The following RAP1GAP2 variants were observed in gnomAD, a reference collection of about 807,000 sequenced individuals.
RAP1GAP2 encodes RAP1 GTPase activating protein 2.
A neutral mutation model predicts 95.0 loss-of-function variants in RAP1GAP2; 27 were observed. The ratio of observed to expected loss-of-function variants is 0.28; its 90% CI spans 0.21 to 0.39. RAP1GAP2 has a LOEUF of 0.39. Among genes scored for constraint, RAP1GAP2 ranks in the 10% least tolerant of loss-of-function variants. The pLI is 1.00. For missense variants in RAP1GAP2, 771 were observed against 970.0 expected (o/e 0.79, Z 2.72); for synonymous variants, 373 against 380.9 (o/e 0.98, Z 0.24).
chr17:2,923,165 G>A (rs1438677965), intron 3 of RAP1GAP2, among the ~76,000 whole-genome samples: 1 of 150,390 alleles, frequency 6.6e-6, no homozygotes, highest in African/African-American at 2.5e-5. Flanking sequence ...TCAGCCTCCC[G>A]AGCAGCTGGG....
intron 2 of RAP1GAP2, among the ~76,000 whole-genome samples, chr17:2,899,308 G>A (rs942891473): frequency 3.3e-5 from 5 of 152,090 alleles, no homozygotes; most frequent in Non-Finnish European, 5.9e-5. Flanking sequence ...GGGAGCTTCC[G>A]CTATTCTCCT....
Position 2,963,736 on chromosome 17 carries a change from C to A in RAP1GAP2, c.280-120C>A, listed in dbSNP as rs1330645456. ...GAGGGGTTCATGTCACTGCCTTTGGCCTCAAGTACCAGTGGGTACCAGGCC... is the reference window on the plus strand; with the variant it reads ...GAGGGGTTCATGTCACTGCCTTTGGACTCAAGTACCAGTGGGTACCAGGCC... On this transcript the variant is annotated intron_variant, in intron 6 of 24. Coordinates refer to ENST00000254695, the MANE Select transcript of RAP1GAP2 (RefSeq NM_015085.5). This position sits in a 1 kb window ranked among gnomAD's most constrained non-coding sequence, Gnocchi z 4.8. 10 of 947,890 alleles carry A rather than the reference C, an allele frequency of 1.1e-5. No homozygotes were observed. In the Admixed American group the frequency reaches 2.5e-4, roughly 24 times the overall value. 58.7% of individuals were successfully genotyped at this position (947,890 alleles called of 1,614,324 possible). A position where few individuals can be genotyped will look rare whatever the true frequency, so the allele number is the denominator to read the frequency against.
chr17:2,827,288 C>G lies in RAP1GAP2; in HGVS notation c.80+26738C>G, dbSNP rs919462402. 2.6e-5 allele frequency among the ~76,000 whole-genome samples: 4 copies of G among 152,110 alleles called. No homozygotes were observed. The South Asian group carries it at 8.3e-4, about 31-fold the overall frequency. Reference sequence around the variant, plus strand: ...CATCCAACAGCTCTCATTCCCAAAGCGTGTTCTGAGTGTGAGTCCTACAAA... The same window carrying G: ...CATCCAACAGCTCTCATTCCCAAAGGGTGTTCTGAGTGTGAGTCCTACAAA... On this transcript the variant is annotated intron_variant, in intron 2 of 24. Coordinates refer to ENST00000254695, the MANE Select transcript of RAP1GAP2 (RefSeq NM_015085.5). This position sits in a 1 kb window ranked among gnomAD's most constrained non-coding sequence, Gnocchi z 4.1.
At chr17:2,995,223 C>G in intron 12 of RAP1GAP2, 114 bp from the exon 13 acceptor site, 3 of 1,336,780 alleles carry the variant, frequency 2.2e-6, no homozygotes, top group Non-Finnish European at 3.1e-6. Flanking sequence ...CCTCAGCTCT[C>G]CTGTCTCCTC....
Position 2,809,307 on chromosome 17 carries a change from C to T in RAP1GAP2, c.80+8757C>T, listed in dbSNP as rs548602166. 2.6e-5 allele frequency among the ~76,000 whole-genome samples: 4 copies of T among 152,350 alleles called. No individual in the cohort carries two copies. In the East Asian group the frequency reaches 7.7e-4, roughly 29 times the overall value. ...GGGCTCTTCTGAGATGAGTGTGGGA[C>T]AGTGGGCAGGAGGGGCTTTGCCTAT... On this transcript the variant is annotated intron_variant, in intron 2 of 24. Coordinates refer to ENST00000254695, the MANE Select transcript of RAP1GAP2 (RefSeq NM_015085.5).
rs75589985 is a variant in RAP1GAP2 at position 2,855,037 on chromosome 17, C to T, written c.81-50247C>T. On this transcript the variant is annotated intron_variant, in intron 2 of 24. Coordinates refer to ENST00000254695, the MANE Select transcript of RAP1GAP2 (RefSeq NM_015085.5). The surrounding 1 kb of genome is among the most constrained non-coding windows in gnomAD (Gnocchi z 4.3). ...GACACGGGCAGTGGAACCAGAGACACCTGGGGGTGACCAGCAGCCCCTGGA... is the reference window on the plus strand; with the variant it reads ...GACACGGGCAGTGGAACCAGAGACATCTGGGGGTGACCAGCAGCCCCTGGA... Among the ~76,000 whole-genome samples, 991 of 152,266 alleles carry T rather than the reference C, an allele frequency of 6.5e-3. 16 individuals carry two copies. Among genetic ancestry groups the T allele is most frequent in the African/African-American group, 0.023 (943 of 41,528 alleles).
At chr17:2,784,835 A>T (rs1329345242) in intron 1 of RAP1GAP2, among the ~76,000 whole-genome samples, 1 of 152,082 alleles carries the variant, frequency 6.6e-6, no homozygotes, top group Non-Finnish European at 1.5e-5. Flanking sequence ...GCTGATGGAG[A>T]TACCATGAGG....
intron 2 of RAP1GAP2, among the ~76,000 whole-genome samples, chr17:2,889,885 A>ATTTT (rs1356255749): frequency 6.7e-5 from 3 of 44,864 alleles, no homozygotes; most frequent in African/African-American, 2.5e-4. Flanking sequence ...ATATATATAT[A>ATTTT]TATATTTTTT....
At chr17:2,941,056 G>T (rs993349867) in intron 3 of RAP1GAP2, among the ~76,000 whole-genome samples, 1 of 152,168 alleles carries the variant, frequency 6.6e-6, no homozygotes, top group Admixed American at 6.5e-5. Context: ...GTGGGTAGTG[G>T]TATAGTGGAG....
intron 3 of RAP1GAP2, among the ~76,000 whole-genome samples, chr17:2,954,168 G>A (rs576863087): frequency 7.2e-5 from 11 of 152,234 alleles, no homozygotes; most frequent in African/African-American, 2.4e-4. Flanking sequence ...GCAGTAGCGC[G>A]ATCTTGGCTC....
intron 2 of RAP1GAP2, among the ~76,000 whole-genome samples, chr17:2,874,530 G>T (rs1163656046): frequency 6.6e-6 from 1 of 152,152 alleles, no homozygotes; most frequent in Non-Finnish European, 1.5e-5. Flanking sequence ...GGTATTCAGT[G>T]TATGTGCATA....
In RAP1GAP2 at chr17:2,796,508, C is replaced by T. The variant is rs570802575; in HGVS notation, c.-20C>T. On this transcript the variant is annotated 5_prime_UTR_variant, in exon 1 of 25. Coordinates refer to ENST00000254695, the MANE Select transcript of RAP1GAP2 (RefSeq NM_015085.5). The surrounding 1 kb of genome is among the most constrained non-coding windows in gnomAD (Gnocchi z 4.7). ...CGTCGTTGGGACATCGCTGGGACCC[C>T]GGGCTCTGCAGCCACAACCATGTTT... is the stretch of plus-strand genomic sequence containing the variant. The T allele has an allele frequency of 6.4e-6, 10 of 1,554,958 alleles. No individual in the cohort carries two copies. Among genetic ancestry groups the T allele is most frequent in the East Asian group, 4.8e-5 (2 of 41,306 alleles).
At chr17:2,782,141 C>T (rs1368188661) in intron 1 of RAP1GAP2, among the ~76,000 whole-genome samples, 6 of 152,198 alleles carry the variant, frequency 3.9e-5, no homozygotes, top group Admixed American at 3.9e-4. Context: ...TCTGCCATGC[C>T]CCATCCCGCC....
intron 17 of RAP1GAP2, among the ~76,000 whole-genome samples, chr17:3,017,604 A>AGT (rs1221917061): frequency 6.6e-6 from 1 of 152,176 alleles, no homozygotes; most frequent in Non-Finnish European, 1.5e-5. Context: ...CAGACACCTG[A>AGT]GTGTGTTGAA....
chr17:3,028,710 C>T (rs374907685), intron 22 of RAP1GAP2, among the ~76,000 whole-genome samples: 13 of 152,292 alleles, frequency 8.5e-5, no homozygotes, highest in African/African-American at 2.6e-4. Flanking sequence ...TGGGCAGCTG[C>T]GGAGCTGGGT....
intron 2 of RAP1GAP2, among the ~76,000 whole-genome samples, chr17:2,862,114 T>C (rs2072421863): frequency 6.6e-6 from 1 of 152,146 alleles, no homozygotes; most frequent in African/African-American, 2.4e-5. Flanking sequence ...TGCCTCTGCA[T>C]AGCTTTGGGA....
At chr17:3,014,039 C>T (rs576765598) in intron 17 of RAP1GAP2, among the ~76,000 whole-genome samples, 131 of 152,330 alleles carry the variant, frequency 8.6e-4, no homozygotes, top group Admixed American at 2.3e-3. Context: ...TGAGAAATGA[C>T]GGGAATACGT....
intron 2 of RAP1GAP2, among the ~76,000 whole-genome samples, chr17:2,878,364 G>A (rs2073164538): frequency 6.6e-6 from 1 of 152,170 alleles, no homozygotes. Flanking sequence ...CCAGGCTGGC[G>A]GTGGAAAATG....
upstream of RAP1GAP2, among the ~76,000 whole-genome samples, chr17:2,793,257 G>C (rs758039271): frequency 1.3e-5 from 2 of 151,672 alleles, no homozygotes; most frequent in South Asian, 4.2e-4. Context: ...AGGTTCAAGC[G>C]ATTCTCCTGT....
Sources: allele counts gnomAD v4.1 joint callset (sites outside exome capture counted in the v4.1 genomes callset), GRCh38; gene constraint gnomAD v4.1.1; non-coding constraint Gnocchi (gnomAD v3.1); transcripts MANE v1.5; gene names NCBI Gene and HGNC (gene_info 2026-07-23, HGNC 2026-07-21).